UNC80: variants seen among roughly 807,000 people sequenced by gnomAD.
UNC80 encodes the protein protein unc-80 homolog.
Under a neutral mutation model 384.6 loss-of-function variants are expected in UNC80, and 164 were observed. That is an observed-to-expected ratio of 0.43 (90% CI 0.38 to 0.49). The LOEUF (loss-of-function observed/expected upper bound fraction) is 0.49. Ranked by LOEUF, UNC80 falls within the 20% of genes least tolerant of loss-of-function variation. The pLI is 0.00. For synonymous variants in UNC80, 1,486 were observed against 1,527.8 expected (o/e 0.97, Z 0.64); for missense variants, 3,330 against 4,143.0 (o/e 0.80, Z 5.39).
At chr2:209,838,059 C>T (rs1001635816) in intron 18 of UNC80, among the ~76,000 whole-genome samples, 1 of 152,170 alleles carries the variant, frequency 6.6e-6, no homozygotes, top group Non-Finnish European at 1.5e-5. Context: ...GTGTGAGCCA[C>T]TGCGCCCGGC....
intron 6 of UNC80, among the ~76,000 whole-genome samples, chr2:209,790,083 G>T (rs911686125): frequency 3.3e-5 from 5 of 152,082 alleles, no homozygotes. Flanking sequence ...AAAGTTTAAT[G>T]AGGGGTCAAG....
intron 55 of UNC80, 21 bp from the exon 56 acceptor site, chr2:209,973,043 C>T (rs1432872742): frequency 6.4e-7 from 1 of 1,550,424 alleles, no homozygotes; most frequent in African/African-American, 1.4e-5. Context: ...CCACTTCCGT[C>T]TTCCAAATTC....
intron 28 of UNC80, among the ~76,000 whole-genome samples, chr2:209,900,598 G>A (rs1301504276): frequency 6.6e-6 from 1 of 152,174 alleles, no homozygotes; most frequent in African/African-American, 2.4e-5. Flanking sequence ...ACAATGGCCT[G>A]TAAGTGTTCA....
intron 23 of UNC80, among the ~76,000 whole-genome samples, chr2:209,874,472 AC>A (rs1198090658): frequency 6.6e-6 from 1 of 152,208 alleles, no homozygotes; most frequent in Non-Finnish European, 1.5e-5. Context: ...GATTTCACAA[AC>A]AAGTGTTTTC....
chr2:209,866,529 CACACAGAGAGAG>C (rs1174738397), intron 22 of UNC80, among the ~76,000 whole-genome samples: 285 of 126,586 alleles, frequency 2.3e-3, no homozygotes, highest in African/African-American at 9.5e-3. Context: ...CACACACACA[CACACAGAGAGAG>C]AGAGAGAGAG....
chr2:209,992,247 G>A lies in UNC80; in HGVS notation c.9396G>A (p.Gln3132=), dbSNP rs1575253038. Residue 3132 remains glutamine, a splice_region_variant and synonymous_variant, in exon 62 of 65, where the codon CAG becomes CAA. Transcript: ENST00000673920. The part of the protein sequence containing the change: ...QPLGRKRGLR[Q]LRRPLLSRQK... ...TGGGGAGGAAGAGGGGCCTGAGGCAGGTAAGTAGACCCTTAAAGCGCAAGA... is the reference window on the plus strand; with the variant it reads ...TGGGGAGGAAGAGGGGCCTGAGGCAAGTAAGTAGACCCTTAAAGCGCAAGA... 1 of 1,551,376 alleles carries A rather than the reference G, an allele frequency of 6.4e-7. No homozygotes were observed. The highest frequency in any genetic ancestry group is 8.7e-7 in the Non-Finnish European group (1 of 1,146,822).
chr2:209,794,399 G>A (rs1371331456), intron 7 of UNC80, among the ~76,000 whole-genome samples: 2 of 152,098 alleles, frequency 1.3e-5, no homozygotes, highest in Non-Finnish European at 2.9e-5. Flanking sequence ...GGAGTCATGA[G>A]GTTTGACACT....
At chr2:209,780,846 A>G (rs747534397) in intron 4 of UNC80, among the ~76,000 whole-genome samples, 2 of 152,138 alleles carry the variant, frequency 1.3e-5, no homozygotes, top group African/African-American at 2.4e-5. Context: ...TTTAATCCCT[A>G]TGCTTCTTTG....
At chr2:209,783,319 T>C (rs1445037331) in intron 4 of UNC80, among the ~76,000 whole-genome samples, 1 of 152,088 alleles carries the variant, frequency 6.6e-6, no homozygotes, top group Non-Finnish European at 1.5e-5. Flanking sequence ...TACATAGCAT[T>C]GTGTGTTCCA....
At chr2:209,775,188 G>T (rs372714016) in intron 2 of UNC80, among the ~76,000 whole-genome samples, 2 of 152,092 alleles carry the variant, frequency 1.3e-5, no homozygotes, top group Non-Finnish European at 2.9e-5. Flanking sequence ...TACTTGTTCC[G>T]GAGTGCTACA....
Position 209,998,074 on chromosome 2 carries a change from C to T in UNC80, c.*2479C>T, listed in dbSNP as rs559831163. ...CAGTGTTGGTAATAGTAGATCATTT[C>T]TTAAGCCATGATACTTAATGATATT... On this transcript the variant is annotated 3_prime_UTR_variant, in exon 65 of 65. Transcript: ENST00000673920. 1 of 152,106 alleles carries T rather than the reference C, an allele frequency of 6.6e-6. No homozygotes were observed. The highest frequency in any genetic ancestry group is 6.6e-5 in the Admixed American group (1 of 15,258). 9.4% of individuals were successfully genotyped at this position (152,106 alleles called of 1,614,324 possible).
At chr2:209,943,294 G>T in intron 44 of UNC80, 86 bp from the exon 45 acceptor site, 1 of 1,466,874 alleles carries the variant, frequency 6.8e-7, no homozygotes, top group South Asian at 1.4e-5. Context: ...TTCCCTCCAA[G>T]CTTCCCATGA....
In UNC80 at chr2:209,819,024, G is replaced by A. The variant is rs77323032; in HGVS notation, c.1725G>A (p.Ala575=). Residue 575 remains alanine, a synonymous_variant, in exon 12 of 65, where the codon GCG becomes GCA. Transcript: ENST00000673920. Reference sequence around the variant, plus strand: ...CTCAGATCTCCACCATCACAGTTGCGACCTTCAATACCACTTTGGCGTCAT... The same window carrying A: ...CTCAGATCTCCACCATCACAGTTGCAACCTTCAATACCACTTTGGCGTCAT... The part of the protein sequence containing the change: ...VRSQISTITV[A]TFNTTLASFN... The A allele has an allele frequency of 2.3e-3, 3,644 of 1,551,572 alleles. 76 individuals are homozygous for A. In the African/African-American group the frequency reaches 0.04, roughly 17 times the overall value.
intron 22 of UNC80, among the ~76,000 whole-genome samples, chr2:209,865,053 G>A (rs946915807): frequency 6.6e-6 from 1 of 152,156 alleles, no homozygotes; most frequent in East Asian, 1.9e-4. Flanking sequence ...TTTGTAGCAT[G>A]CTCACTCACT....
intron 4 of UNC80, among the ~76,000 whole-genome samples, chr2:209,777,838 G>A (rs919673325): frequency 3.3e-5 from 5 of 152,156 alleles, no homozygotes; most frequent in Non-Finnish European, 5.9e-5. Context: ...GCATGATGTA[G>A]GGTTTAAATT....
rs1373072186 is a variant in UNC80, at chr2:209,984,379, T to C, written c.9258-477T>C. Among the ~76,000 whole-genome samples the C allele has an allele frequency of 3.9e-5, 6 of 152,322 alleles. No individual in the cohort carries two copies. The East Asian group carries it at 1.2e-3, about 29-fold the overall frequency. On this transcript the variant is annotated intron_variant, in intron 60 of 64. Transcript: ENST00000673920. ...TCTTAATGGCATCAGTTCCAAGAGCTTGGTTGTGGCAGTTCATGGTAAGTG... is the reference window on the plus strand; with the variant it reads ...TCTTAATGGCATCAGTTCCAAGAGCCTGGTTGTGGCAGTTCATGGTAAGTG...
intron 56 of UNC80, among the ~76,000 whole-genome samples, 196 bp downstream of exon 56, chr2:209,973,466 G>A (rs2092934555): frequency 6.6e-6 from 1 of 152,144 alleles, no homozygotes; most frequent in South Asian, 2.1e-4. Context: ...ATTTAAAGAA[G>A]CCACTTGAAC....
In UNC80 at chr2:209,999,191, G is replaced by A. The variant is rs943677946; in HGVS notation, c.*3596G>A. 10 of 152,152 alleles carry A rather than the reference G, an allele frequency of 6.6e-5. No individual in the cohort carries two copies. Among genetic ancestry groups the A allele is most frequent in the African/African-American group, 2.4e-4 (10 of 41,428 alleles). The allele number at this position is 152,152 out of a possible 1,614,324, so 9.4% of individuals were successfully genotyped here. On this transcript the variant is annotated 3_prime_UTR_variant, in exon 65 of 65. Coordinates refer to ENST00000673920, the MANE Select transcript of UNC80 (RefSeq NM_001371986.1). Reference sequence around the variant, plus strand: ...AATGACCAAAGAACATGGAAAAAATGCATATGAATAAATACTGAAATGTTT... The same window carrying A: ...AATGACCAAAGAACATGGAAAAAATACATATGAATAAATACTGAAATGTTT...
intron 38 of UNC80, among the ~76,000 whole-genome samples, chr2:209,932,050 A>C (rs1436471678): frequency 6.6e-6 from 1 of 152,138 alleles, no homozygotes; most frequent in South Asian, 2.1e-4. Context: ...TTCATTTGTG[A>C]GACCATGTTC....
Sources: allele counts gnomAD v4.1 joint callset (sites outside exome capture counted in the v4.1 genomes callset), GRCh38; gene constraint gnomAD v4.1.1; transcripts MANE v1.5; gene names NCBI Gene and HGNC (gene_info 2026-07-23, HGNC 2026-07-21).